The following ZBP1 variants were observed in gnomAD, a reference collection of about 807,000 sequenced individuals.
ZBP1 encodes the protein Z-DNA-binding protein 1.
ZBP1 carries 42 observed loss-of-function variants against 41.1 expected under a neutral mutation model. That is an observed-to-expected ratio of 1.02 (90% CI 0.80 to 1.32). ZBP1 has a LOEUF of 1.32. ZBP1 is among the 40% of genes most tolerant of loss of function. ZBP1 has a pLI of 0.00. For synonymous variants in ZBP1, 214 were observed against 205.2 expected, an observed-to-expected ratio of 1.04 and a Z score of -0.37; for missense variants, 562 against 549.7, an observed-to-expected ratio of 1.02 and a Z score of -0.22.
At position 57,610,182 on chromosome 20, in the gene ZBP1, C is replaced by G; in HGVS notation, c.1060G>C (p.Gly354Arg). 1 of 1,614,140 alleles carries G rather than the reference C, an allele frequency of 6.2e-7. No individual in the cohort carries two copies. The highest frequency in any genetic ancestry group is 8.5e-7 in the Non-Finnish European group (1 of 1,180,024). The stretch of plus-strand genomic sequence containing the variant: ...TCCCCTGGCTCCCCCTCTCCAGACC[C>G]TGCGACTCCTCCTGGGCCAGCCACC... ...PGVAGPGGVAGSGEGEPGEDA... is the reference protein window; with the variant it reads ...PGVAGPGGVARSGEGEPGEDA... The change falls in exon 7 of 8, where the codon GGG becomes CGG. Residue 354 changes from glycine (G) to arginine (R), a missense_variant. By Grantham distance (125) the Gly-to-Arg change is moderately radical. Transcript: ENST00000371173. The surrounding 1 kb of genome is among the most constrained non-coding windows in gnomAD (Gnocchi z 5.5).
chr20:57,603,898 C>G lies in ZBP1; in HGVS notation c.*675G>C, dbSNP rs577126048. 1.9e-5 allele frequency: 3 copies of G among 159,072 alleles called. No homozygotes were observed. The highest frequency in any genetic ancestry group is 7.2e-5 in the African/African-American group (3 of 41,634). The allele number at this position is 159,072 out of a possible 1,614,324, so 9.9% of individuals were successfully genotyped here. ...TATTTATTTTTTTGAGACGGAGTCTCGCTCTGTCGCCCAGCCTGGAGTGCA... is the reference window on the plus strand; with the variant it reads ...TATTTATTTTTTTGAGACGGAGTCTGGCTCTGTCGCCCAGCCTGGAGTGCA... On this transcript the variant is annotated 3_prime_UTR_variant, in exon 8 of 8. Coordinates refer to ENST00000371173, the MANE Select transcript of ZBP1 (RefSeq NM_030776.3). The surrounding 1 kb of genome is among the most constrained non-coding windows in gnomAD (Gnocchi z 4.6).
chr20:57,616,569 G>A, intron 1 of ZBP1, 101 bp from the exon 2 acceptor site: 1 of 1,256,690 alleles, frequency 8.0e-7, no homozygotes, highest in Non-Finnish European at 1.1e-6. Context: ...GCCCCTTTTT[G>A]AGAGGGGTCC....
At chr20:57,608,819 G>T (rs901622920) in intron 7 of ZBP1, among the ~76,000 whole-genome samples, 13 of 152,234 alleles carry the variant, frequency 8.5e-5, no homozygotes, top group Non-Finnish European at 1.6e-4. Flanking sequence ...TGGACTTCCA[G>T]GACATGCATC....
At position 57,610,827 on chromosome 20, in the gene ZBP1, G is replaced by A. The variant is rs186401357; in HGVS notation, c.875-460C>T. 3.4e-3 allele frequency: 591 copies of A among 176,212 alleles called. 5 individuals are homozygous for A. The highest frequency in any genetic ancestry group is 0.016 in the African/African-American group (539 of 33,574). The allele number at this position is 176,212 out of a possible 1,614,324, so 10.9% of individuals were successfully genotyped here. ...ACTGAGTCCCGCCCCCTCCACCCCC[G>A]AGACCTCTTCTGCTCCCTGGCCCCC... On this transcript the variant is annotated intron_variant, in intron 6 of 7. Transcript: ENST00000371173. This position sits in a 1 kb window ranked among gnomAD's most constrained non-coding sequence, Gnocchi z 5.5.
intron 6 of ZBP1, 30 bp downstream of exon 6, chr20:57,611,697 A>G: frequency 6.3e-7 from 1 of 1,590,188 alleles, no homozygotes; most frequent in Non-Finnish European, 8.6e-7. Context: ...GGGGTGGCAG[A>G]GTTGGGTCTG....
chr20:57,615,246 C>T, intron 3 of ZBP1, 186 bp from the exon 4 acceptor site: 1 of 720,882 alleles, frequency 1.4e-6, no homozygotes. Context: ...GGGGGATGTG[C>T]ACAGAGTGCT....
intron 7 of ZBP1, chr20:57,606,981 T>C: frequency 1.7e-6 from 2 of 1,205,356 alleles, no homozygotes; most frequent in Non-Finnish European, 2.1e-6. Context: ...TAAAAAAGAA[T>C]TAACATTGTT....
Position 57,604,869 on chromosome 20 carries a change from T to G in ZBP1, c.1094-100A>C, listed in dbSNP as rs907889475. The G allele has an allele frequency of 3.5e-6, 4 of 1,146,246 alleles. No individual in the cohort carries two copies. The African/African-American group carries it at 6.2e-5, about 18-fold the overall frequency. 71.0% of individuals were successfully genotyped at this position (1,146,246 alleles called of 1,614,324 possible). A position where few individuals can be genotyped will look rare whatever the true frequency, so the allele number is the denominator to read the frequency against. On this transcript the variant is annotated intron_variant, in intron 7 of 7. Transcript: ENST00000371173. Reference sequence around the variant, plus strand: ...AGGATTTCGAGCTCAGCTTGAGCCTTTGTTGTTACTGTCTTTAGATTTGTA... The same window carrying G: ...AGGATTTCGAGCTCAGCTTGAGCCTGTGTTGTTACTGTCTTTAGATTTGTA...
Position 57,613,418 on chromosome 20 carries a change from G to C in ZBP1, c.503-88C>G. The C allele has an allele frequency of 6.9e-7, 1 of 1,439,284 alleles. No homozygotes were observed. Among genetic ancestry groups the C allele is most frequent in the Non-Finnish European group, 9.5e-7 (1 of 1,052,412 alleles). The allele number at this position is 1,439,284 out of a possible 1,614,324, so 89.2% of individuals were successfully genotyped here. A position where few individuals can be genotyped will look rare whatever the true frequency, so the allele number is the denominator to read the frequency against. ...CAGTCGGCAGCACCAAATTCTCCTG[G>C]GGAGCTTGTTAAAATACCCTGGGCG... On this transcript the variant is annotated intron_variant, in intron 4 of 7. Transcript: ENST00000371173. The surrounding 1 kb of genome is among the most constrained non-coding windows in gnomAD (Gnocchi z 4.5).
intron 2 of ZBP1, chr20:57,616,020 AG>A (rs1419071274): frequency 3.3e-6 from 2 of 598,738 alleles, no homozygotes; most frequent in African/African-American, 1.9e-5. Flanking sequence ...TCCTGTGTGC[AG>A]GGCTGGGCTG....
intron 2 of ZBP1, 77 bp from the exon 3 acceptor site, chr20:57,615,657 C>T (rs2070803459): frequency 3.0e-6 from 4 of 1,353,282 alleles, no homozygotes; most frequent in Admixed American, 2.2e-5. Context: ...AGGTGGGCAG[C>T]TCCCTAGGGG....
chr20:57,614,842 C>A, intron 4 of ZBP1, 45 bp downstream of exon 4: 1 of 1,608,308 alleles, frequency 6.2e-7, no homozygotes, highest in South Asian at 1.1e-5. Context: ...GCACTAGTGT[C>A]ATGGTTTCCC....
At chr20:57,615,388 C>T (rs944817566) in intron 3 of ZBP1, 124 bp downstream of exon 3, 12 of 1,028,246 alleles carry the variant, frequency 1.2e-5, no homozygotes, top group Non-Finnish European at 1.8e-5. Context: ...TGTATGGGAG[C>T]TGCCTGGTGG....
chr20:57,609,326 G>A (rs1479100260), intron 7 of ZBP1, among the ~76,000 whole-genome samples: 1 of 152,190 alleles, frequency 6.6e-6, no homozygotes, highest in Non-Finnish European at 1.5e-5. Flanking sequence ...CCAAACGGTG[G>A]CTGGGACGGT....
Position 57,603,962 on chromosome 20 carries a change from G to C in ZBP1, c.*611C>G, listed in dbSNP as rs1600719887. On this transcript the variant is annotated 3_prime_UTR_variant, in exon 8 of 8. Coordinates refer to ENST00000371173, the MANE Select transcript of ZBP1 (RefSeq NM_030776.3). The surrounding 1 kb of genome is among the most constrained non-coding windows in gnomAD (Gnocchi z 4.6). ...GGCTCACTGGAAGCTCCACCTCCCG[G>C]GTTCACACCATTCTCCTCCCTCAGC... 5.6e-6 allele frequency: 1 copy of C among 177,234 alleles called. No individual in the cohort carries two copies. The highest frequency in any genetic ancestry group is 1.2e-5 in the Non-Finnish European group (1 of 83,800). 11.0% of individuals were successfully genotyped at this position (177,234 alleles called of 1,614,324 possible).
Position 57,610,095 on chromosome 20 carries a change from G to GAAGGTGGGGAGAGAGAGAGAACACA in ZBP1, c.1093+29_1093+53dup. On this transcript the variant is annotated intron_variant, in intron 7 of 7. Transcript: ENST00000371173. This position sits in a 1 kb window ranked among gnomAD's most constrained non-coding sequence, Gnocchi z 5.5. ...ATGAGAGTGAATGAATGAATGAGTG[G>GAAGGTGGGGAGAGAGAGAGAACACA]AAGGTGGGGAGAGAGAGAGAACACA... 1 of 1,529,668 alleles carries GAAGGTGGGGAGAGAGAGAGAACACA rather than the reference G, an allele frequency of 6.5e-7. No homozygotes were observed. The highest frequency in any genetic ancestry group is 1.1e-5 in the South Asian group (1 of 88,638). The allele number at this position is 1,529,668 out of a possible 1,614,324, so 94.8% of individuals were successfully genotyped here. A position where few individuals can be genotyped will look rare whatever the true frequency, so the allele number is the denominator to read the frequency against.
chr20:57,608,857 G>A (rs920227464), intron 7 of ZBP1, among the ~76,000 whole-genome samples: 1 of 152,244 alleles, frequency 6.6e-6, no homozygotes, highest in Non-Finnish European at 1.5e-5. Context: ...CTGGAGGGTG[G>A]ATGCCGGCCA....
intron 7 of ZBP1, chr20:57,607,052 T>C: frequency 7.7e-7 from 1 of 1,297,316 alleles, no homozygotes; most frequent in South Asian, 1.2e-5. Context: ...AACTTCAACA[T>C]TCACTTCTTA....
rs147898527 is a variant in ZBP1 at position 57,607,724 on chromosome 20, T to C, written c.1093+2425A>G. 1.2e-3 allele frequency among the ~76,000 whole-genome samples: 189 copies of C among 152,304 alleles called. 1 individual carries two copies. Among genetic ancestry groups the C allele is most frequent in the South Asian group, 7.0e-3 (34 of 4,824 alleles). ...CCACCTTCAGCAACCACCACCCTGA[T>C]CAGTCAGCAGCCATCAACATCAAGG... is the stretch of plus-strand genomic sequence containing the variant. On this transcript the variant is annotated intron_variant, in intron 7 of 7. Coordinates refer to ENST00000371173, the MANE Select transcript of ZBP1 (RefSeq NM_030776.3).
Sources: gnomAD v4.1 joint callset for allele counts (sites outside exome capture counted in the v4.1 genomes callset) on GRCh38, gnomAD v4.1.1 for gene constraint, Gnocchi (gnomAD v3.1) non-coding constraint, MANE v1.5 for transcripts, NCBI Gene and HGNC (gene_info 2026-07-23, HGNC 2026-07-21) for gene names.